Variants in TEAD1 observed in about 807,000 individuals in gnomAD.
TEAD1 encodes TEA domain transcription factor 1.
Under a neutral mutation model 54.9 loss-of-function variants are expected in TEAD1, and 9 were observed. The ratio of observed to expected loss-of-function variants is 0.16; its 90% CI spans 0.10 to 0.29. TEAD1 has a LOEUF of 0.29. Among genes scored for constraint, TEAD1 ranks in the 10% least tolerant of loss-of-function variants. The pLI is 1.00. For synonymous variants in TEAD1, 200 were observed against 187.8 expected (o/e 1.07, Z -0.53); for missense variants, 387 against 535.9 (o/e 0.72, Z 2.74).
intron 10 of TEAD1, among the ~76,000 whole-genome samples, chr11:12,916,293 A>G (rs1170196003): frequency 6.6e-6 from 1 of 152,160 alleles, no homozygotes; most frequent in East Asian, 1.9e-4. Context: ...TCTGTTTGGA[A>G]AAAGCCAGTG....
At chr11:12,873,753 A>G (rs1229921792) in intron 5 of TEAD1, among the ~76,000 whole-genome samples, 2 of 152,208 alleles carry the variant, frequency 1.3e-5, no homozygotes, top group East Asian at 3.8e-4. Flanking sequence ...CAAAACCATA[A>G]TATAGTTCTG....
intron 3 of TEAD1, among the ~76,000 whole-genome samples, chr11:12,769,673 G>A (rs544359458): frequency 2.6e-5 from 4 of 152,168 alleles, no homozygotes; most frequent in East Asian, 1.9e-4. Context: ...TGTTCTTCTC[G>A]GAGCTCCATA....
chr11:12,815,545 T>C (rs1290015242), intron 3 of TEAD1, among the ~76,000 whole-genome samples: 2 of 152,188 alleles, frequency 1.3e-5, no homozygotes, highest in East Asian at 3.9e-4. Flanking sequence ...GGACCTTCCC[T>C]CTTAGTTAAA....
chr11:12,886,568 G>C (rs1948091361), intron 9 of TEAD1, among the ~76,000 whole-genome samples: 1 of 152,138 alleles, frequency 6.6e-6, no homozygotes, highest in African/African-American at 2.4e-5. Context: ...GCCCACACTT[G>C]GGTGGAGAAC....
At chr11:12,823,600 G>T (rs375312956) in intron 3 of TEAD1, 64 of 152,292 alleles carry the variant, frequency 4.2e-4, no homozygotes, top group African/African-American at 1.5e-3. Flanking sequence ...GAGAGAGCAG[G>T]TGCTTCCTTG....
At chr11:12,912,854 A>G (rs1006714788) in intron 10 of TEAD1, among the ~76,000 whole-genome samples, 2 of 152,148 alleles carry the variant, frequency 1.3e-5, no homozygotes, top group Non-Finnish European at 2.9e-5. Flanking sequence ...AGCTATTCCT[A>G]AAAGACTTTC....
rs770472006 is a variant in TEAD1 at position 12,905,262 on chromosome 11, T to TG, written c.873+3153dup. 2.0e-5 allele frequency among the ~76,000 whole-genome samples: 3 copies of TG among 152,202 alleles called. No homozygotes were observed. The East Asian group carries it at 5.8e-4, about 29-fold the overall frequency. On this transcript the variant is annotated intron_variant, in intron 10 of 12. Transcript: ENST00000527636. ...TGATTTTAATAAATGTTTTCCATGG[T>TG]GGGGCCCTTCAGTCATGAATCCTCA...
chr11:12,775,707 T>C (rs1403160586), intron 3 of TEAD1, among the ~76,000 whole-genome samples: 1 of 152,154 alleles, frequency 6.6e-6, no homozygotes, highest in Non-Finnish European at 1.5e-5. Flanking sequence ...TCTGGAGGAA[T>C]TTACAGTCTA....
chr11:12,844,708 T>G, intron 3 of TEAD1, among the ~76,000 whole-genome samples: 1 of 152,170 alleles, frequency 6.6e-6, no homozygotes, highest in East Asian at 1.9e-4. Context: ...TGTTACTGAA[T>G]GAAGTATCAG....
At chr11:12,788,220 T>C (rs1365539462) in intron 3 of TEAD1, among the ~76,000 whole-genome samples, 1 of 150,372 alleles carries the variant, frequency 6.7e-6, no homozygotes, top group African/African-American at 2.5e-5. Context: ...CACTGCAACC[T>C]CCGCCTCCTG....
rs1458266002 is a variant in TEAD1, at chr11:12,925,184, C to G, written c.1014+132C>G. The stretch of plus-strand genomic sequence containing the variant: ...CCTTCTGTATTAGTCCATTCTCACA[C>G]TGCTATGAAGAACTACCTGAAAATG... On this transcript the variant is annotated intron_variant, in intron 11 of 12. Transcript: ENST00000527636. The G allele has an allele frequency of 6.7e-6, 7 of 1,048,062 alleles. No homozygotes were observed. In the African/African-American group the frequency reaches 7.9e-5, roughly 12 times the overall value. The allele number at this position is 1,048,062 out of a possible 1,614,324, so 64.9% of individuals were successfully genotyped here. A position where few individuals can be genotyped will look rare whatever the true frequency, so the allele number is the denominator to read the frequency against.
intron 3 of TEAD1, among the ~76,000 whole-genome samples, chr11:12,812,949 G>A (rs1946335722): frequency 6.6e-6 from 1 of 152,168 alleles, no homozygotes; most frequent in South Asian, 2.1e-4. Context: ...CAGCCTCCTG[G>A]CACAAAGGCA....
At chr11:12,892,348 G>A (rs1948213288) in intron 9 of TEAD1, among the ~76,000 whole-genome samples, 1 of 152,090 alleles carries the variant, frequency 6.6e-6, no homozygotes, top group Non-Finnish European at 1.5e-5. Flanking sequence ...AAGATAAAAA[G>A]CAAGGTTTCA....
At chr11:12,857,376 A>G (rs889074924) in intron 3 of TEAD1, among the ~76,000 whole-genome samples, 1 of 152,192 alleles carries the variant, frequency 6.6e-6, no homozygotes, top group Non-Finnish European at 1.5e-5. Flanking sequence ...GTGCATTTCT[A>G]AAATAATTTT....
At chr11:12,808,649 A>G (rs985868058) in intron 3 of TEAD1, among the ~76,000 whole-genome samples, 2 of 152,128 alleles carry the variant, frequency 1.3e-5, no homozygotes, top group African/African-American at 4.8e-5. Context: ...TGATTTTGCT[A>G]GTCACAAAGC....
intron 9 of TEAD1, 75 bp from the exon 10 acceptor site, chr11:12,901,865 A>G (rs1948431225): frequency 6.3e-7 from 1 of 1,590,606 alleles, no homozygotes; most frequent in Admixed American, 1.7e-5. Flanking sequence ...ACTGCTCTTT[A>G]TCCAGTTCAA....
chr11:12,685,053 G>A (rs1486086001), intron 2 of TEAD1, among the ~76,000 whole-genome samples: 2 of 152,206 alleles, frequency 1.3e-5, no homozygotes, highest in Non-Finnish European at 2.9e-5. Context: ...ACTTCTGGGT[G>A]TGTCAATGTC....
chr11:12,862,671 T>C (rs192912167), intron 4 of TEAD1, among the ~76,000 whole-genome samples: 2 of 152,340 alleles, frequency 1.3e-5, no homozygotes, highest in African/African-American at 4.8e-5. Context: ...TCATGAAATT[T>C]TGAGGTTTTG....
chr11:12,691,375 C>CT (rs1254158238), intron 2 of TEAD1, among the ~76,000 whole-genome samples: 1 of 152,082 alleles, frequency 6.6e-6, no homozygotes, highest in African/African-American at 2.4e-5. Flanking sequence ...AGTTTGGGTT[C>CT]CTTTTAGTGA....
Sources: gnomAD v4.1 joint callset for allele counts (sites outside exome capture counted in the v4.1 genomes callset) on GRCh38, gnomAD v4.1.1 for gene constraint, MANE v1.5 for transcripts, NCBI Gene and HGNC (gene_info 2026-07-23, HGNC 2026-07-21) for gene names.